Variants in FHIT observed in about 807,000 individuals in gnomAD.
FHIT encodes the protein fragile histidine triad diadenosine triphosphatase, also known as bis(5'-adenosyl)-triphosphatase.
In FHIT, 19 loss-of-function variants were observed where a neutral mutation model predicts 17.9. That is an observed-to-expected ratio of 1.06 (90% CI 0.74 to 1.56). FHIT has a LOEUF of 1.56. Ranked by LOEUF, FHIT falls within the 40% of genes most tolerant of loss-of-function variation. The pLI, the probability that FHIT is intolerant of heterozygous loss-of-function variation, is 0.00. For missense variants in FHIT, 248 were observed against 189.2 expected (o/e 1.31, Z -1.82); for synonymous variants, 81 against 69.7 (o/e 1.16, Z -0.81).
intron 8 of FHIT, among the ~76,000 whole-genome samples, chr3:59,821,755 T>TA (rs915084587): frequency 3.3e-5 from 5 of 151,858 alleles, no homozygotes; most frequent in Admixed American, 6.6e-5. Context: ...AGTTTTTTTT[T>TA]AAAAAAAATA....
intron 5 of FHIT, among the ~76,000 whole-genome samples, chr3:60,193,248 C>G (rs901684834): frequency 3.3e-5 from 5 of 152,156 alleles, no homozygotes; most frequent in Non-Finnish European, 7.3e-5. Flanking sequence ...TGCAGCAACA[C>G]TGCTGCTGAG....
chr3:60,729,598 C>T lies in FHIT; in HGVS notation c.-18+92321G>A, dbSNP rs534043054. 2.4e-4 allele frequency among the ~76,000 whole-genome samples: 37 copies of T among 152,268 alleles called. 1 individual carries two copies. In the South Asian group the frequency reaches 7.5e-3, roughly 31 times the overall value. ...AATGTCAGGATTCATACTATTGTTTCTCATAAGGACTCAACAAAATGAATC... is the reference window on the plus strand; with the variant it reads ...AATGTCAGGATTCATACTATTGTTTTTCATAAGGACTCAACAAAATGAATC... On this transcript the variant is annotated intron_variant, in intron 4 of 9. Coordinates refer to ENST00000492590, the MANE Select transcript of FHIT (RefSeq NM_002012.4).
intron 3 of FHIT, among the ~76,000 whole-genome samples, chr3:60,884,940 T>C (rs1473628618): frequency 1.6e-5 from 2 of 122,820 alleles, no homozygotes; most frequent in Non-Finnish European, 3.5e-5. Flanking sequence ...AGAAGAAAAA[T>C]AATAAGAATG....
At chr3:60,878,112 G>C (rs1403071702) in intron 3 of FHIT, among the ~76,000 whole-genome samples, 2 of 152,080 alleles carry the variant, frequency 1.3e-5, no homozygotes, top group Admixed American at 6.6e-5. Flanking sequence ...AGCTGAGCCA[G>C]GGCTGTATCC....
At chr3:60,978,932 T>C (rs1710376600) in intron 3 of FHIT, among the ~76,000 whole-genome samples, 1 of 152,236 alleles carries the variant, frequency 6.6e-6, no homozygotes. Context: ...TCTTCCCATT[T>C]CGAATACTTT....
intron 5 of FHIT, among the ~76,000 whole-genome samples, chr3:60,440,229 A>T (rs2030670984): frequency 6.6e-6 from 1 of 152,126 alleles, no homozygotes; most frequent in East Asian, 1.9e-4. Flanking sequence ...TCAAACAAGT[A>T]ACTGGTATCT....
chr3:59,811,507 G>C (rs1019283287), intron 8 of FHIT, among the ~76,000 whole-genome samples: 3 of 152,148 alleles, frequency 2.0e-5, no homozygotes, highest in African/African-American at 7.2e-5. Context: ...AAACAGTTGG[G>C]ATAAAAATTT....
At chr3:60,882,184 T>C (rs1485172575) in intron 3 of FHIT, among the ~76,000 whole-genome samples, 6 of 151,834 alleles carry the variant, frequency 4.0e-5, no homozygotes, top group Non-Finnish European at 4.4e-5. Flanking sequence ...CTAGAAGAAA[T>C]AGAAAACCTA....
At chr3:60,815,829 G>A (rs1478384981) in intron 4 of FHIT, among the ~76,000 whole-genome samples, 12 of 152,010 alleles carry the variant, frequency 7.9e-5, no homozygotes, top group Admixed American at 7.9e-4. Context: ...GGGCAGTATG[G>A]CCACATTAAT....
chr3:60,265,162 T>C (rs1706506373), intron 5 of FHIT, among the ~76,000 whole-genome samples: 1 of 152,034 alleles, frequency 6.6e-6, no homozygotes, highest in African/African-American at 2.4e-5. Context: ...CTATTAAAGT[T>C]TGTTTTCTTT....
intron 8 of FHIT, among the ~76,000 whole-genome samples, chr3:59,868,096 C>G (rs909232796): frequency 4.4e-5 from 6 of 135,674 alleles, no homozygotes; most frequent in African/African-American, 2.8e-5. Flanking sequence ...AGAATAAAGA[C>G]TGAACATGGC....
At chr3:59,952,644 G>A (rs947779450) in intron 7 of FHIT, among the ~76,000 whole-genome samples, 2 of 152,192 alleles carry the variant, frequency 1.3e-5, no homozygotes, top group African/African-American at 2.4e-5. Flanking sequence ...AAGTTAGCCA[G>A]TAAGGGGGAA....
At chr3:60,376,370 T>G (rs1700562949) in intron 5 of FHIT, among the ~76,000 whole-genome samples, 1 of 152,238 alleles carries the variant, frequency 6.6e-6, no homozygotes, top group Admixed American at 6.5e-5. Context: ...GTTAGAAGAC[T>G]GGAATACTGT....
intron 8 of FHIT, among the ~76,000 whole-genome samples, chr3:59,842,621 T>C (rs1701574795): frequency 6.6e-6 from 1 of 152,184 alleles, no homozygotes; most frequent in East Asian, 1.9e-4. Flanking sequence ...TATGCAGTGA[T>C]ATCTCATTGT....
chr3:60,632,435 TGTA>T (rs2039469877), intron 4 of FHIT, among the ~76,000 whole-genome samples: 1 of 152,206 alleles, frequency 6.6e-6, no homozygotes, highest in Non-Finnish European at 1.5e-5. Context: ...CTTTTGTTTT[TGTA>T]GTAAAGATGA....
At chr3:60,324,477 C>G (rs552793975) in intron 5 of FHIT, among the ~76,000 whole-genome samples, 1 of 149,750 alleles carries the variant, frequency 6.7e-6, no homozygotes. Context: ...CCCAGCTGCT[C>G]GGGATGCTGA....
At chr3:61,098,994 T>C (rs185289556) in intron 2 of FHIT, among the ~76,000 whole-genome samples, 103 of 152,364 alleles carry the variant, frequency 6.8e-4, no homozygotes, top group Admixed American at 1.7e-3. Flanking sequence ...CGTTGTCTTA[T>C]GCTGATTTTC....
At chr3:59,895,717 T>C (rs1309024364) in intron 8 of FHIT, among the ~76,000 whole-genome samples, 2 of 152,214 alleles carry the variant, frequency 1.3e-5, no homozygotes, top group African/African-American at 4.8e-5. Context: ...TTGCTTTTGC[T>C]CTTGACCTCT....
chr3:60,580,410 A>G (rs1406751167), intron 4 of FHIT, among the ~76,000 whole-genome samples: 1 of 152,146 alleles, frequency 6.6e-6, no homozygotes, highest in Non-Finnish European at 1.5e-5. Context: ...TAAAATCACA[A>G]TACCTAAATT....
Sources: allele counts gnomAD v4.1 joint callset (sites outside exome capture counted in the v4.1 genomes callset), GRCh38; gene constraint gnomAD v4.1.1; transcripts MANE v1.5; gene names NCBI Gene and HGNC (gene_info 2026-07-23, HGNC 2026-07-21).